The following SYTL2 variants were observed in gnomAD, a reference collection of about 807,000 sequenced individuals.
The protein encoded by SYTL2 is synaptotagmin like 2, also known as synaptotagmin-like protein 2.
SYTL2 carries 165 observed loss-of-function variants against 198.7 expected under a neutral mutation model. That is an observed-to-expected ratio of 0.83 (90% confidence interval 0.73 to 0.94). SYTL2 has a LOEUF of 0.94. Among genes scored for constraint, SYTL2 ranks in the 40% least tolerant of loss-of-function variants. The pLI, the probability that SYTL2 is intolerant of heterozygous loss-of-function variation, is 0.00. For synonymous variants in SYTL2, 966 were observed against 917.7 expected (o/e 1.05, Z -0.95); for missense variants, 2,835 against 2,582.8 (o/e 1.10, Z -2.12).
chr11:85,792,586 A>C (rs2092745363), intron 1 of SYTL2, among the ~76,000 whole-genome samples: 1 of 151,646 alleles, frequency 6.6e-6, no homozygotes, highest in Non-Finnish European at 1.5e-5. Flanking sequence ...ATTAATAAAT[A>C]CCACCCCCAC....
chr11:85,759,880 C>T (rs566418134), intron 1 of SYTL2, among the ~76,000 whole-genome samples: 1 of 152,292 alleles, frequency 6.6e-6, no homozygotes, highest in South Asian at 2.1e-4. Flanking sequence ...TGAAGCCTTC[C>T]ATAACTTCCA....
At chr11:85,708,087 C>T (rs936730726) in intron 14 of SYTL2, 34 of 421,300 alleles carry the variant, frequency 8.1e-5, no homozygotes, top group Admixed American at 3.6e-4. Context: ...CGCTTGAACC[C>T]GGGAGGCGAA....
At chr11:85,707,975 ACC>A (rs2085487620) in intron 14 of SYTL2, 2,235 of 190,304 alleles carry the variant, frequency 0.012, 62 homozygotes, top group East Asian at 0.089. Flanking sequence ...AAAAAAAAAA[ACC>A]ACACACACAC....
At chr11:85,798,989 G>A (rs1257891736) in intron 1 of SYTL2, among the ~76,000 whole-genome samples, 1 of 152,216 alleles carries the variant, frequency 6.6e-6, no homozygotes, top group Non-Finnish European at 1.5e-5. Context: ...AGGCCAACTT[G>A]CAAGCAGGCC....
the SYTL2 span, among the ~76,000 whole-genome samples, chr11:85,826,241 G>A: frequency 2.6e-5 from 4 of 152,224 alleles, no homozygotes; most frequent in Admixed American, 6.5e-5. Context: ...AGGATGCACA[G>A]GAGGACTGAG....
intron 1 of SYTL2, among the ~76,000 whole-genome samples, chr11:85,805,743 A>G (rs990356869): frequency 4.6e-5 from 7 of 152,222 alleles, no homozygotes; most frequent in African/African-American, 1.7e-4. Context: ...TTCACTCAGA[A>G]ATCAACTGAT....
chr11:85,695,663 G>A (rs1386803433), intron 19 of SYTL2, among the ~76,000 whole-genome samples: 1 of 152,206 alleles, frequency 6.6e-6, no homozygotes, highest in African/African-American at 2.4e-5. Context: ...CTAGGTTAGT[G>A]TGACTAAGGC....
At chr11:85,754,006 G>A (rs1040332962) in intron 2 of SYTL2, among the ~76,000 whole-genome samples, 2 of 152,084 alleles carry the variant, frequency 1.3e-5, no homozygotes, top group Non-Finnish European at 2.9e-5. Context: ...CTACGGGAGA[G>A]TTATACTCCA....
chr11:85,726,561 G>T lies in SYTL2; in HGVS notation c.2797C>A (p.Pro933Thr). Residue 933 changes from proline to threonine, a missense_variant, in exon 8 of 20, where the codon CCT becomes ACT. Transcript: ENST00000359152. ...CGTTCACTCCCGACATTTGAGGGAGGTTGCAGTGCTGGTAAAGTAATGTTT... is the reference window on the plus strand; with the variant it reads ...CGTTCACTCCCGACATTTGAGGGAGTTTGCAGTGCTGGTAAAGTAATGTTT... ...RRNITLPALQ[P>T]PSNVGSERHA... 6.3e-7 allele frequency: 1 copy of T among 1,593,774 alleles called. No individual in the cohort carries two copies. Among genetic ancestry groups the T allele is most frequent in the Non-Finnish European group, 8.5e-7 (1 of 1,175,850 alleles).
chr11:85,790,919 T>C (rs1461644740), intron 1 of SYTL2, among the ~76,000 whole-genome samples: 1 of 151,844 alleles, frequency 6.6e-6, no homozygotes, highest in Admixed American at 6.6e-5. Context: ...ATCCCAACAT[T>C]TTGGGAGGCT....
At chr11:85,844,401 T>C in the SYTL2 span, among the ~76,000 whole-genome samples, 7,232 of 152,286 alleles carry the variant, frequency 0.047, 284 homozygotes, top group South Asian at 0.095. Context: ...TTGGTACATA[T>C]TCCTGAAAAT....
intron 1 of SYTL2, among the ~76,000 whole-genome samples, chr11:85,800,756 G>T (rs1289483160): frequency 6.6e-6 from 1 of 152,148 alleles, no homozygotes; most frequent in African/African-American, 2.4e-5. Flanking sequence ...CCTGTGCTCA[G>T]TTCCACAACA....
chr11:85,813,743 CCTTT>C (rs1359408768), upstream of SYTL2, among the ~76,000 whole-genome samples: 2 of 137,142 alleles, frequency 1.5e-5, no homozygotes, highest in Admixed American at 1.5e-4. Context: ...TTCCTTCCTT[CCTTT>C]TTTGGCAGGG....
chr11:85,833,435 T>C, the SYTL2 span, among the ~76,000 whole-genome samples: 2 of 148,692 alleles, frequency 1.3e-5, no homozygotes, highest in African/African-American at 4.9e-5. Flanking sequence ...CACATATATA[T>C]GATTATATAT....
At chr11:85,816,098 G>C (rs2093060887), upstream of SYTL2, among the ~76,000 whole-genome samples, 1 of 152,144 alleles carries the variant, frequency 6.6e-6, no homozygotes, top group East Asian at 1.9e-4. Flanking sequence ...CTGGGAGGCG[G>C]AGGTTGCAGT....
chr11:85,800,243 GT>G (rs890833988), intron 1 of SYTL2, among the ~76,000 whole-genome samples: 2 of 152,136 alleles, frequency 1.3e-5, no homozygotes, highest in Non-Finnish European at 2.9e-5. Context: ...ACATGAAAGA[GT>G]CCAGGTTCAA....
intron 1 of SYTL2, among the ~76,000 whole-genome samples, chr11:85,804,002 T>A (rs1270832752): frequency 6.6e-6 from 1 of 152,240 alleles, no homozygotes; most frequent in African/African-American, 2.4e-5. Flanking sequence ...CTATTTTTGC[T>A]TTTCTAAGTA....
rs1031642866 is a variant in SYTL2 at position 85,694,607 on chromosome 11, G to C, written c.*588C>G. ...AATACATTTGAGGCTTGTTTTAACT[G>C]TTTGTTTTCTCAAGGCAGAAAAACA... On this transcript the variant is annotated 3_prime_UTR_variant, in exon 20 of 20. Coordinates refer to ENST00000359152, the MANE Select transcript of SYTL2 (RefSeq NM_206927.4). The C allele has an allele frequency of 3.9e-5, 6 of 152,140 alleles. No individual in the cohort carries two copies. The highest frequency in any genetic ancestry group is 1.4e-4 in the African/African-American group (6 of 41,422). The allele number at this position is 152,140 out of a possible 1,614,324, so 9.4% of individuals were successfully genotyped here. A position where few individuals can be genotyped will look rare whatever the true frequency, so the allele number is the denominator to read the frequency against.
the SYTL2 span, among the ~76,000 whole-genome samples, chr11:85,818,593 T>C: frequency 6.6e-6 from 1 of 151,772 alleles, no homozygotes; most frequent in African/African-American, 2.4e-5. Context: ...TTGGAAAGGA[T>C]GGAAAAAAAT....
Sources: gnomAD v4.1 joint callset for allele counts (sites outside exome capture counted in the v4.1 genomes callset) on GRCh38, gnomAD v4.1.1 for gene constraint, MANE v1.5 for transcripts, NCBI Gene and HGNC (gene_info 2026-07-23, HGNC 2026-07-21) for gene names.